The following METTL17 variants were observed in gnomAD, a reference collection of about 807,000 sequenced individuals.
The protein encoded by METTL17 is methyltransferase like 17, also known as ribosome assembly protein METTL17, mitochondrial.
Under a neutral mutation model 59.4 loss-of-function variants are expected in METTL17, and 49 were observed. The observed-to-expected ratio is 0.82, with a 90% CI of 0.66 to 1.05. The LOEUF (loss-of-function observed/expected upper bound fraction) is 1.05, where lower values mean the gene tolerates loss of function less well. Ranked by LOEUF, METTL17 falls within the 50% of genes least tolerant of loss-of-function variation. The probability of loss-of-function intolerance (pLI) is 0.00; values close to 1 mark genes in which losing one functional copy is unlikely to be tolerated. For synonymous variants in METTL17, 208 were observed against 209.2 expected (o/e 0.99, Z 0.05); for missense variants, 555 against 578.4 (o/e 0.96, Z 0.41).
At chr14:20,995,848 A>C in intron 10 of METTL17, 53 bp from the exon 11 acceptor site, 1 of 1,479,178 alleles carries the variant, frequency 6.8e-7, no homozygotes, top group East Asian at 2.3e-5. Context: ...AGATTGAATT[A>C]TGAAAATAGA....
In METTL17 at chr14:20,996,719, G is replaced by A; in HGVS notation, c.1265+8G>A. On this transcript the variant is annotated splice_region_variant and intron_variant, in intron 13 of 13. Transcript: ENST00000339374. ...AGCCCGCCGGCACGGCAGGTATGGGGGGTGTGACCAAAATCAGTGGGATGT... is the reference window on the plus strand; with the variant it reads ...AGCCCGCCGGCACGGCAGGTATGGGAGGTGTGACCAAAATCAGTGGGATGT... The A allele has an allele frequency of 1.2e-6, 2 of 1,614,242 alleles. No individual in the cohort carries two copies. Among genetic ancestry groups the A allele is most frequent in the Non-Finnish European group, 1.7e-6 (2 of 1,180,038 alleles).
intron 3 of METTL17, 199 bp downstream of exon 3, chr14:20,990,797 C>T: frequency 1.5e-6 from 1 of 661,452 alleles, no homozygotes; most frequent in South Asian, 2.1e-5. Context: ...TCAGAATGTC[C>T]CAGTATACTG....
intron 10 of METTL17, 55 bp downstream of exon 10, chr14:20,995,288 T>G (rs1880304595): frequency 6.8e-7 from 1 of 1,479,664 alleles, no homozygotes; most frequent in African/African-American, 1.4e-5. Flanking sequence ...TTACTGTTAC[T>G]CTCTTGAAAA....
intron 2 of METTL17, 39 bp downstream of exon 2, chr14:20,990,422 A>C: frequency 6.2e-7 from 1 of 1,613,790 alleles, no homozygotes; most frequent in Non-Finnish European, 8.5e-7. Flanking sequence ...ACGGGACTGG[A>C]CCTACATGCA....
rs746327019 is a variant in METTL17 at position 20,996,529 on chromosome 14, C to A, written c.1083C>A (p.Asn361Lys). The change falls in exon 13 of 14, where the codon AAC (asparagine) becomes AAA (lysine). Residue 361 changes from asparagine to lysine, a missense_variant and splice_region_variant. By Grantham distance (94) the Asn-to-Lys change is moderately conservative (BLOSUM62 0). Coordinates refer to ENST00000339374, the MANE Select transcript of METTL17 (RefSeq NM_022734.3). ...QAYHPIPFSWNKKPKEEKFSM... is the reference protein window; with the variant it reads ...QAYHPIPFSWKKKPKEEKFSM... Reference sequence around the variant, plus strand: ...AGTCTCTATGTTCCTTATCTTAGAACAAGAAACCAAAGGAAGAAAAGTTCT... The same window carrying A: ...AGTCTCTATGTTCCTTATCTTAGAAAAAGAAACCAAAGGAAGAAAAGTTCT... The A allele has an allele frequency of 3.1e-6, 5 of 1,608,782 alleles. No individual in the cohort carries two copies. Among genetic ancestry groups the A allele is most frequent in the South Asian group, 1.1e-5 (1 of 90,820 alleles).
intron 5 of METTL17, chr14:20,992,898 C>G (rs1411615927): frequency 6.6e-6 from 4 of 604,202 alleles, no homozygotes. Flanking sequence ...AAAAAAAACA[C>G]AAAATAAAGA....
At chr14:20,995,027 A>C in intron 9 of METTL17, 126 bp downstream of exon 9, 1 of 1,140,550 alleles carries the variant, frequency 8.8e-7, no homozygotes, top group South Asian at 1.4e-5. Context: ...TCCCTCTTTG[A>C]GGGTCTCCAT....
chr14:20,994,082 C>T lies in METTL17; in HGVS notation c.697+19C>T, dbSNP rs774141314. 1 of 1,590,804 alleles carries T rather than the reference C, an allele frequency of 6.3e-7. No individual in the cohort carries two copies. The highest frequency in any genetic ancestry group is 1.1e-5 in the South Asian group (1 of 90,288). ...CTGAAAGGTGAGTGCAAGAGCACTT[C>T]CAAAGTTGAGGGAGTTAAGAAAGCA... On this transcript the variant is annotated intron_variant, in intron 7 of 13. Transcript: ENST00000339374.
Position 20,995,201 on chromosome 14 carries a change from C to T in METTL17, c.913C>T (p.Leu305Phe), listed in dbSNP as rs1190549720. 1 of 1,614,084 alleles carries T rather than the reference C, an allele frequency of 6.2e-7. No homozygotes were observed. Among genetic ancestry groups the T allele is most frequent in the Non-Finnish European group, 8.5e-7 (1 of 1,180,038 alleles). The change falls in exon 10 of 14, where the codon CTT becomes TTT. Residue 305 changes from leucine (L) to phenylalanine (F), a missense_variant. Coordinates refer to ENST00000339374, the MANE Select transcript of METTL17 (RefSeq NM_022734.3). ...GAATGGAACAAAAGCTGGGCACAGC[C>T]TTCTCATGGATGCCAGGGATCTGGT... ...VENGTKAGHSLLMDARDLVLK... is the reference protein window; with the variant it reads ...VENGTKAGHSFLMDARDLVLK...
chr14:20,991,132 A>G (rs1880011772), intron 3 of METTL17, among the ~76,000 whole-genome samples: 2 of 152,012 alleles, frequency 1.3e-5, no homozygotes, highest in South Asian at 4.1e-4. Flanking sequence ...CTGGCTACCA[A>G]TATACTGTTA....
At position 20,994,079 on chromosome 14, in the gene METTL17, C is replaced by T; in HGVS notation, c.697+16C>T. ...CTACTGAAAGGTGAGTGCAAGAGCACTTCCAAAGTTGAGGGAGTTAAGAAA... is the reference window on the plus strand; with the variant it reads ...CTACTGAAAGGTGAGTGCAAGAGCATTTCCAAAGTTGAGGGAGTTAAGAAA... On this transcript the variant is annotated intron_variant, in intron 7 of 13. Transcript: ENST00000339374. The T allele has an allele frequency of 6.3e-7, 1 of 1,599,996 alleles. No individual in the cohort carries two copies. The highest frequency in any genetic ancestry group is 8.6e-7 in the Non-Finnish European group (1 of 1,167,932).
In METTL17 at chr14:20,996,712, G is replaced by A; in HGVS notation, c.1265+1G>A. On this transcript the variant is annotated splice_donor_variant, in intron 13 of 13. Transcript: ENST00000339374. LOFTEE classifies it high-confidence loss of function. ...TGCTCACAGCCCGCCGGCACGGCAG[G>A]TATGGGGGGTGTGACCAAAATCAGT... 2 of 1,614,236 alleles carry A rather than the reference G, an allele frequency of 1.2e-6. No individual in the cohort carries two copies. Among genetic ancestry groups the A allele is most frequent in the African/African-American group, 1.3e-5 (1 of 75,066 alleles).
At chr14:20,995,975 C>T (rs376179591) in intron 11 of METTL17, 24 bp downstream of exon 11, 3 of 1,613,252 alleles carry the variant, frequency 1.9e-6, no homozygotes, top group African/African-American at 2.7e-5. Flanking sequence ...CTGCCTGTCC[C>T]ACCACACGGA....
At chr14:20,991,712 G>A (rs757494965) in intron 3 of METTL17, 4 of 189,972 alleles carry the variant, frequency 2.1e-5, no homozygotes, top group Non-Finnish European at 3.2e-5. Flanking sequence ...TGTATTTTTC[G>A]TAGAGAAAGG....
chr14:20,991,329 A>G (rs1298329312), intron 3 of METTL17, among the ~76,000 whole-genome samples: 1 of 152,152 alleles, frequency 6.6e-6, no homozygotes, highest in South Asian at 2.1e-4. Flanking sequence ...CCATTTATTC[A>G]TCTTGCATTC....
At chr14:20,993,095 T>G in intron 5 of METTL17, 23 bp from the exon 6 acceptor site, 3 of 1,607,210 alleles carry the variant, frequency 1.9e-6, no homozygotes, top group Non-Finnish European at 2.6e-6. Flanking sequence ...TACCCTACTG[T>G]GGGATGTTGT....
Position 20,990,349 on chromosome 14 carries a change from G to A in METTL17, c.195G>A (p.Gln65=). 1 of 1,614,254 alleles carries A rather than the reference G, an allele frequency of 6.2e-7. No individual in the cohort carries two copies. Among genetic ancestry groups the A allele is most frequent in the African/African-American group, 1.3e-5 (1 of 75,078 alleles). The change falls in exon 2 of 14, where the codon CAG becomes CAA. Residue 65 remains glutamine, a synonymous_variant. Transcript: ENST00000339374. Reference sequence around the variant, plus strand: ...AGCTGCCGCACGTGCGGCTGCCACAGGCACTGGCTAACGGTGCCCAGTTAT... The same window carrying A: ...AGCTGCCGCACGTGCGGCTGCCACAAGCACTGGCTAACGGTGCCCAGTTAT... ...ILKLPHVRLP[Q]ALANGAQLLL...
At chr14:20,993,002 A>T in intron 5 of METTL17, 116 bp from the exon 6 acceptor site, 1 of 848,112 alleles carries the variant, frequency 1.2e-6, no homozygotes, top group Non-Finnish European at 2.0e-6. Context: ...ATTTGTATTG[A>T]ATCTCAAAAG....
chr14:20,995,191 T>C lies in METTL17; in HGVS notation c.903T>C (p.Ala301=), dbSNP rs1164861956. The change falls in exon 10 of 14, where the codon GCT becomes GCC. Residue 301 remains alanine (A), a synonymous_variant. Transcript: ENST00000339374. ...FLVLVENGTK[A]GHSLLMDARD... Reference sequence around the variant, plus strand: ...TACTGGTGGAGAATGGAACAAAAGCTGGGCACAGCCTTCTCATGGATGCCA... The same window carrying C: ...TACTGGTGGAGAATGGAACAAAAGCCGGGCACAGCCTTCTCATGGATGCCA... 6.2e-7 allele frequency: 1 copy of C among 1,614,108 alleles called. No individual in the cohort carries two copies. The highest frequency in any genetic ancestry group is 1.3e-5 in the African/African-American group (1 of 74,946).
Sources: gnomAD v4.1 joint callset for allele counts (sites outside exome capture counted in the v4.1 genomes callset) on GRCh38, gnomAD v4.1.1 for gene constraint, MANE v1.5 for transcripts, NCBI Gene and HGNC (gene_info 2026-07-23, HGNC 2026-07-21) for gene names.